Variants in SCD5 observed in about 807,000 individuals in gnomAD.
The protein encoded by SCD5 is acyl-CoA-desaturase 4.
Under a neutral mutation model 30.4 loss-of-function variants are expected in SCD5, and 20 were observed. The ratio of observed to expected loss-of-function variants is 0.66; its 90% CI spans 0.46 to 0.96. SCD5 has a LOEUF of 0.96. SCD5 is among the 40% of genes least tolerant of loss of function. SCD5 has a pLI of 0.00. For synonymous variants in SCD5, 173 were observed against 176.4 expected (o/e 0.98, Z 0.16); for missense variants, 381 against 443.3 (o/e 0.86, Z 1.26).
intron 1 of SCD5, among the ~76,000 whole-genome samples, chr4:82,771,493 C>G (rs1721621501): frequency 6.6e-6 from 1 of 152,218 alleles, no homozygotes; most frequent in Non-Finnish European, 1.5e-5. Context: ...CCTATGTTAT[C>G]TTTGTTCAAC....
At chr4:82,731,725 A>G (rs1720646749) in intron 1 of SCD5, among the ~76,000 whole-genome samples, 2 of 152,202 alleles carry the variant, frequency 1.3e-5, no homozygotes, top group Non-Finnish European at 2.9e-5. Flanking sequence ...GGGAAGTCCC[A>G]TCACACCCCA....
intron 3 of SCD5, among the ~76,000 whole-genome samples, chr4:82,666,465 G>A (rs903038123): frequency 2.6e-5 from 4 of 151,626 alleles, no homozygotes; most frequent in African/African-American, 4.9e-5. Context: ...GCAGTGAGCC[G>A]GATCGCGCCA....
intron 1 of SCD5, among the ~76,000 whole-genome samples, chr4:82,797,718 C>A (rs903206062): frequency 2.0e-5 from 3 of 151,890 alleles, no homozygotes; most frequent in African/African-American, 7.3e-5. Flanking sequence ...GCGGAGGGGG[C>A]AGGGACAGGG....
chr4:82,756,008 C>G (rs941701432), intron 1 of SCD5, among the ~76,000 whole-genome samples: 1 of 152,148 alleles, frequency 6.6e-6, no homozygotes, highest in African/African-American at 2.4e-5. Context: ...AAATGGAAAG[C>G]AGTATAGTGA....
At chr4:82,632,893 A>G (rs1727351356) in intron 4 of SCD5, among the ~76,000 whole-genome samples, 1 of 152,158 alleles carries the variant, frequency 6.6e-6, no homozygotes, top group Non-Finnish European at 1.5e-5. Flanking sequence ...TATATTTATC[A>G]TGTACAACAC....
chr4:82,792,934 T>C (rs1292324097), intron 1 of SCD5, among the ~76,000 whole-genome samples: 1 of 152,174 alleles, frequency 6.6e-6, no homozygotes, highest in Non-Finnish European at 1.5e-5. Context: ...CTTGATCAGT[T>C]TGTTTGTTTT....
At chr4:82,720,165 C>G (rs898633558) in intron 1 of SCD5, among the ~76,000 whole-genome samples, 4 of 152,138 alleles carry the variant, frequency 2.6e-5, no homozygotes, top group Non-Finnish European at 4.4e-5. Context: ...CACAGTGGCT[C>G]ATGCCTGTAA....
chr4:82,798,260 G>T, intron 1 of SCD5, 46 bp downstream of exon 1: 1 of 1,464,414 alleles, frequency 6.8e-7, no homozygotes, highest in Admixed American at 2.4e-5. Flanking sequence ...CCCCAGCGCG[G>T]CCTGGCCACG....
chr4:82,632,557 TG>T (rs1553913416), intron 4 of SCD5, among the ~76,000 whole-genome samples: 2 of 152,214 alleles, frequency 1.3e-5, no homozygotes, highest in Non-Finnish European at 2.9e-5. Context: ...TACCCAGTAA[TG>T]GGATGGCTGG....
chr4:82,707,300 G>A (rs1029109636), intron 1 of SCD5, among the ~76,000 whole-genome samples: 2 of 152,154 alleles, frequency 1.3e-5, no homozygotes, highest in African/African-American at 4.8e-5. Context: ...AACAAGTATG[G>A]CAGTCTGGAT....
chr4:82,726,344 G>A (rs916048919), intron 1 of SCD5, among the ~76,000 whole-genome samples: 3 of 150,962 alleles, frequency 2.0e-5, no homozygotes, highest in Non-Finnish European at 4.4e-5. Context: ...TTGAACCCGG[G>A]AGATGGAGGT....
chr4:82,742,358 G>A (rs1315382406), intron 1 of SCD5, among the ~76,000 whole-genome samples: 1 of 152,174 alleles, frequency 6.6e-6, no homozygotes, highest in Admixed American at 6.5e-5. Flanking sequence ...GCTGGTGTGA[G>A]GTCTGACCGG....
intron 1 of SCD5, among the ~76,000 whole-genome samples, chr4:82,762,867 T>C (rs920514915): frequency 9.9e-5 from 15 of 152,228 alleles, no homozygotes; most frequent in African/African-American, 3.4e-4. Context: ...ACAAAGACAG[T>C]AGAAGCAACT....
At position 82,691,400 on chromosome 4, in the gene SCD5, A is replaced by G. The variant is rs531353745; in HGVS notation, c.364-10488T>C. On this transcript the variant is annotated intron_variant, in intron 2 of 4. Transcript: ENST00000319540. ...GTGGAAGTGTGGGAGGGAGAGGGGA[A>G]TTGTCTCAGGTAGAGGGAAGGACTT... Among the ~76,000 whole-genome samples the G allele has an allele frequency of 4.6e-5, 7 of 152,244 alleles. No individual in the cohort carries two copies. The East Asian group carries it at 1.3e-3, about 29-fold the overall frequency.
At chr4:82,718,056 T>TA (rs1430280274) in intron 1 of SCD5, among the ~76,000 whole-genome samples, 1 of 145,728 alleles carries the variant, frequency 6.9e-6, no homozygotes, top group Non-Finnish European at 1.5e-5. Context: ...ACTGAGTAGT[T>TA]ATGGGTCATT....
At chr4:82,689,699 T>C (rs1299054013) in intron 2 of SCD5, among the ~76,000 whole-genome samples, 1 of 152,230 alleles carries the variant, frequency 6.6e-6, no homozygotes, top group African/African-American at 2.4e-5. Flanking sequence ...AAAATATTCA[T>C]ATAGGCTCAT....
chr4:82,735,525 AC>A (rs1456131587), intron 1 of SCD5, among the ~76,000 whole-genome samples: 1 of 152,228 alleles, frequency 6.6e-6, no homozygotes, highest in Non-Finnish European at 1.5e-5. Flanking sequence ...CAGATACACG[AC>A]AATAAACGAC....
At chr4:82,769,104 G>A (rs569085868) in intron 1 of SCD5, among the ~76,000 whole-genome samples, 26 of 152,230 alleles carry the variant, frequency 1.7e-4, no homozygotes, top group African/African-American at 6.0e-4. Flanking sequence ...CTCTTCGCAG[G>A]TCCCTAGGAG....
rs866668707 is a variant in SCD5 at position 82,798,085 on chromosome 4, G to C, written c.232+221C>G. Among the ~76,000 whole-genome samples, 298 of 77,626 alleles carry C rather than the reference G, an allele frequency of 3.8e-3. 7 individuals are homozygous for C. Among genetic ancestry groups the C allele is most frequent in the African/African-American group, 9.1e-3 (247 of 27,214 alleles). The allele number at this position is 77,626 out of a possible 152,430, so 50.9% of individuals were successfully genotyped here. ...TCAGGCAGACCGCGGCGGGGTGGGG[G>C]CGGGGGGGGGGCGGAAGTTGAAATA... On this transcript the variant is annotated intron_variant, in intron 1 of 4. Transcript: ENST00000319540.
Sources: gnomAD v4.1 joint callset for allele counts (sites outside exome capture counted in the v4.1 genomes callset) on GRCh38, gnomAD v4.1.1 for gene constraint, MANE v1.5 for transcripts, NCBI Gene and HGNC (gene_info 2026-07-23, HGNC 2026-07-21) for gene names.